DPH6: variants seen among roughly 807,000 people sequenced by gnomAD.
The protein encoded by DPH6 is diphthine--ammonia ligase.
In DPH6, 33 loss-of-function variants were observed where a neutral mutation model predicts 38.2. The ratio of observed to expected loss-of-function variants is 0.86; its 90% CI spans 0.65 to 1.15. DPH6 has a LOEUF of 1.15. Ranked by LOEUF, DPH6 falls within the 50% of genes most tolerant of loss-of-function variation. DPH6 has a pLI of 0.00. For missense variants in DPH6, 325 were observed against 320.0 expected, an observed-to-expected ratio of 1.02 and a Z score of -0.12; for synonymous variants, 108 against 103.0, an observed-to-expected ratio of 1.05 and a Z score of -0.30.
intron 3 of DPH6, among the ~76,000 whole-genome samples, chr15:35,462,438 A>G (rs2054077326): frequency 2.0e-5 from 3 of 152,042 alleles, no homozygotes; most frequent in Admixed American, 1.3e-4. Context: ...ATCACCACCA[A>G]CTACTGCACT....
chr15:35,164,778 A>G, the DPH6 span, among the ~76,000 whole-genome samples: 1 of 152,002 alleles, frequency 6.6e-6, no homozygotes, highest in East Asian at 1.9e-4. Flanking sequence ...CTCATCTTAT[A>G]AAATGTTCAC....
At chr15:35,470,840 TAA>T (rs910737814) in intron 3 of DPH6, among the ~76,000 whole-genome samples, 2 of 152,224 alleles carry the variant, frequency 1.3e-5, no homozygotes, top group African/African-American at 2.4e-5. Flanking sequence ...CTGTACTTTT[TAA>T]AGAAAAACTT....
chr15:35,292,054 G>T (rs1595463761), intron 3 of DPH6, among the ~76,000 whole-genome samples: 1 of 151,902 alleles, frequency 6.6e-6, no homozygotes, highest in South Asian at 2.1e-4. Flanking sequence ...TTTCTCAGGA[G>T]AGCTTTCAAA....
At chr15:35,163,576 T>C in the DPH6 span, among the ~76,000 whole-genome samples, 1 of 151,918 alleles carries the variant, frequency 6.6e-6, no homozygotes, top group Admixed American at 6.6e-5. Context: ...TTATGCTAAG[T>C]GGTTTATCCA....
the DPH6 span, among the ~76,000 whole-genome samples, chr15:35,205,273 A>G: frequency 1.3e-5 from 2 of 151,962 alleles, no homozygotes; most frequent in African/African-American, 4.8e-5. Context: ...TGCCATTTTA[A>G]TCATTGAAGT....
At chr15:35,348,960 A>G (rs2052485489) in intron 3 of DPH6, among the ~76,000 whole-genome samples, 1 of 152,090 alleles carries the variant, frequency 6.6e-6, no homozygotes, top group Non-Finnish European at 1.5e-5. Flanking sequence ...TATTTTGCTG[A>G]TAATGTACAG....
chr15:35,290,392 A>G (rs2051972622), intron 3 of DPH6, among the ~76,000 whole-genome samples: 2 of 152,246 alleles, frequency 1.3e-5, no homozygotes, highest in South Asian at 4.1e-4. Flanking sequence ...GAACCAGGGC[A>G]GGCAGACACC....
chr15:35,540,204 C>T (rs1245746085), intron 2 of DPH6, among the ~76,000 whole-genome samples: 1 of 152,078 alleles, frequency 6.6e-6, no homozygotes, highest in Non-Finnish European at 1.5e-5. Flanking sequence ...TTAATGGAAG[C>T]TACAGAGCAA....
At chr15:35,173,178 A>C in the DPH6 span, among the ~76,000 whole-genome samples, 1 of 152,210 alleles carries the variant, frequency 6.6e-6, no homozygotes, top group Non-Finnish European at 1.5e-5. Flanking sequence ...TAAACAATCT[A>C]GCATGTCCAA....
the DPH6 span, among the ~76,000 whole-genome samples, chr15:35,148,801 A>G: frequency 6.6e-6 from 1 of 152,206 alleles, no homozygotes; most frequent in Non-Finnish European, 1.5e-5. Flanking sequence ...AAGTAACTAC[A>G]GAGTAAAAAA....
At chr15:35,385,091 T>A (rs1460307763) in intron 6 of DPH6, among the ~76,000 whole-genome samples, 1 of 152,188 alleles carries the variant, frequency 6.6e-6, no homozygotes, top group Admixed American at 6.5e-5. Context: ...CCAGTTAGAT[T>A]GGCGATCATT....
At chr15:35,464,257 G>C (rs1443289001) in intron 3 of DPH6, among the ~76,000 whole-genome samples, 2 of 149,698 alleles carry the variant, frequency 1.3e-5, no homozygotes, top group African/African-American at 2.5e-5. Context: ...TCGTGCTACA[G>C]TACTCCAGCC....
At chr15:35,249,019 T>C (rs944925082) in intron 3 of DPH6, among the ~76,000 whole-genome samples, 1 of 152,136 alleles carries the variant, frequency 6.6e-6, no homozygotes, top group Non-Finnish European at 1.5e-5. Context: ...CATGGAGAGA[T>C]TGCAGGACTA....
downstream of DPH6, among the ~76,000 whole-genome samples, chr15:35,369,136 A>G (rs2052687782): frequency 6.6e-6 from 1 of 151,732 alleles, no homozygotes; most frequent in African/African-American, 2.4e-5. Flanking sequence ...GGAAATTTTC[A>G]AAGAGATGGT....
chr15:35,418,410 T>C (rs1485452429), intron 5 of DPH6, among the ~76,000 whole-genome samples: 1 of 152,060 alleles, frequency 6.6e-6, no homozygotes, highest in African/African-American at 2.4e-5. Context: ...CAGAAAAAAT[T>C]TACTGTAAAC....
At chr15:35,480,781 T>C (rs1472117881) in intron 3 of DPH6, among the ~76,000 whole-genome samples, 1 of 152,094 alleles carries the variant, frequency 6.6e-6, no homozygotes, top group Non-Finnish European at 1.5e-5. Context: ...CCTGTCTTTC[T>C]CATATAAACT....
intron 5 of DPH6, among the ~76,000 whole-genome samples, chr15:35,436,354 T>G (rs1011582846): frequency 4.6e-5 from 7 of 151,534 alleles, no homozygotes; most frequent in African/African-American, 1.7e-4. Flanking sequence ...TACTCCCAGC[T>G]ACTCGGGAGG....
intron 3 of DPH6, among the ~76,000 whole-genome samples, chr15:35,221,943 T>C (rs1406123995): frequency 6.6e-6 from 1 of 152,240 alleles, no homozygotes; most frequent in African/African-American, 2.4e-5. Context: ...TCCTGGTTCA[T>C]GGCTCTTAAA....
At position 35,262,705 on chromosome 15, in the gene DPH6, C is replaced by CAAAAAAAA. The variant is rs58580024; in HGVS notation, n.201-42131_201-42124dup. Among the ~76,000 whole-genome samples, 50 of 82,624 alleles carry CAAAAAAAA rather than the reference C, an allele frequency of 6.1e-4. 1 individual carries two copies. The highest frequency in any genetic ancestry group is 3.1e-3 in the African/African-American group (48 of 15,716). The allele number at this position is 82,624 out of a possible 152,430, so 54.2% of individuals were successfully genotyped here. A position where few individuals can be genotyped will look rare whatever the true frequency, so the allele number is the denominator to read the frequency against. On this transcript the variant is annotated intron_variant and non_coding_transcript_variant, in intron 3 of 3. Transcript: ENST00000560386. The stretch of plus-strand genomic sequence containing the variant: ...TGCGAAACAGAGCAAGACTCCGTCT[C>CAAAAAAAA]AAAAAAAAAAAAAAAAAAAAAAAAA...
Sources: gnomAD v4.1 joint callset for allele counts (sites outside exome capture counted in the v4.1 genomes callset) on GRCh38, gnomAD v4.1.1 for gene constraint, MANE v1.5 for transcripts, NCBI Gene and HGNC (gene_info 2026-07-23, HGNC 2026-07-21) for gene names.